The following GPC5 variants were observed in gnomAD, a reference collection of about 807,000 sequenced individuals.
GPC5 encodes glypican 5.
A neutral mutation model predicts 53.9 loss-of-function variants in GPC5; 47 were observed. The ratio of observed to expected loss-of-function variants is 0.87; its 90% CI spans 0.69 to 1.11. The LOEUF is 1.11. Ranked by LOEUF, GPC5 falls within the 50% of genes most tolerant of loss-of-function variation. The pLI is 0.00. For synonymous variants in GPC5, 286 were observed against 263.3 expected, an observed-to-expected ratio of 1.09 and a Z score of -0.84; for missense variants, 748 against 713.1, an observed-to-expected ratio of 1.05 and a Z score of -0.56.
chr13:92,352,994 C>G (rs1391750412), intron 7 of GPC5, among the ~76,000 whole-genome samples: 2 of 152,102 alleles, frequency 1.3e-5, no homozygotes, highest in Non-Finnish European at 2.9e-5. Context: ...GGCGCGGTGG[C>G]TCACGCCTGT....
intron 2 of GPC5, among the ~76,000 whole-genome samples, chr13:91,576,976 T>C (rs2032162725): frequency 6.6e-6 from 1 of 152,140 alleles, no homozygotes; most frequent in Admixed American, 6.5e-5. Context: ...ACTTCACATG[T>C]TTTCCTTCTT....
intron 6 of GPC5, among the ~76,000 whole-genome samples, chr13:91,939,793 A>T (rs2352201): frequency 0.61 from 92,867 of 151,672 alleles, 29,002 homozygotes; most frequent in East Asian, 0.74. Context: ...AAGGGGTTGA[A>T]GGAGATGGAA....
intron 7 of GPC5, among the ~76,000 whole-genome samples, chr13:92,633,183 A>G (rs1245422955): frequency 2.6e-5 from 4 of 152,092 alleles, no homozygotes; most frequent in Admixed American, 6.5e-5. Flanking sequence ...GTGAGCCACC[A>G]CGCCCAGCCA....
chr13:92,408,600 T>G lies in GPC5; in HGVS notation c.1561+263611T>G, dbSNP rs150914379. On this transcript the variant is annotated intron_variant, in intron 7 of 7. Transcript: ENST00000377067. Reference sequence around the variant, plus strand: ...GGCATCTGGTAAAGAGTGTTTTAGCTCCTGCGATCTACCTTATATATATAT... The same window carrying G: ...GGCATCTGGTAAAGAGTGTTTTAGCGCCTGCGATCTACCTTATATATATAT... Among the ~76,000 whole-genome samples the G allele has an allele frequency of 1.1e-3, 160 of 151,286 alleles. 1 individual carries two copies. Among genetic ancestry groups the G allele is most frequent in the East Asian group, 2.0e-4 (1 of 5,124 alleles).
intron 7 of GPC5, among the ~76,000 whole-genome samples, chr13:92,502,238 A>C (rs1205357977): frequency 6.6e-6 from 1 of 152,020 alleles, no homozygotes; most frequent in Admixed American, 6.6e-5. Context: ...CTGAATGTGC[A>C]GTAGGTGTAT....
chr13:92,071,310 A>G (rs1352303973), intron 6 of GPC5, among the ~76,000 whole-genome samples: 2 of 152,214 alleles, frequency 1.3e-5, no homozygotes, highest in Non-Finnish European at 1.5e-5. Context: ...AAAAAGTACA[A>G]TTCAAAAGTT....
At chr13:91,888,774 G>C (rs1451899688) in intron 5 of GPC5, among the ~76,000 whole-genome samples, 1 of 152,088 alleles carries the variant, frequency 6.6e-6, no homozygotes, top group African/African-American at 2.4e-5. Flanking sequence ...GTAGTTTCCT[G>C]TTTTGCTTTA....
intron 6 of GPC5, among the ~76,000 whole-genome samples, chr13:92,047,210 T>C (rs969820208): frequency 6.6e-6 from 1 of 152,136 alleles, no homozygotes; most frequent in African/African-American, 2.4e-5. Flanking sequence ...TACGGCAAGA[T>C]GGTTTAGATC....
chr13:91,693,124 C>A (rs1334988731), intron 2 of GPC5, 63 bp from the exon 3 acceptor site: 6 of 1,151,142 alleles, frequency 5.2e-6, no homozygotes, highest in African/African-American at 3.1e-5. Context: ...ATGTCTGGAG[C>A]AGATGGACGG....
chr13:91,553,262 C>G (rs1256361293), intron 2 of GPC5, among the ~76,000 whole-genome samples: 1 of 152,070 alleles, frequency 6.6e-6, no homozygotes, highest in East Asian at 1.9e-4. Context: ...TTAATTCAGC[C>G]ACCATTACCT....
chr13:91,900,024 G>A (rs1451861959), intron 5 of GPC5, among the ~76,000 whole-genome samples: 1 of 152,046 alleles, frequency 6.6e-6, no homozygotes, highest in Non-Finnish European at 1.5e-5. Flanking sequence ...GTATCTAGGT[G>A]TTTCATTTGC....
chr13:92,556,388 G>A (rs1307997455), intron 7 of GPC5, among the ~76,000 whole-genome samples: 1 of 151,592 alleles, frequency 6.6e-6, no homozygotes. Flanking sequence ...TTCTACTAGA[G>A]TACTAGTCTT....
intron 4 of GPC5, among the ~76,000 whole-genome samples, chr13:91,743,572 A>G (rs1393342178): frequency 6.6e-6 from 1 of 152,188 alleles, no homozygotes; most frequent in Non-Finnish European, 1.5e-5. Context: ...GAAAATGGGA[A>G]GCAGGAAGCA....
intron 6 of GPC5, among the ~76,000 whole-genome samples, chr13:92,034,975 A>G (rs2040881085): frequency 1.3e-5 from 2 of 152,196 alleles, no homozygotes; most frequent in South Asian, 4.1e-4. Flanking sequence ...TTTGACACAT[A>G]AAATAGTTGC....
chr13:91,521,378 T>C (rs1885808412), intron 2 of GPC5, among the ~76,000 whole-genome samples: 1 of 152,124 alleles, frequency 6.6e-6, no homozygotes. Context: ...GAGAGAGAAA[T>C]AGAAACACAT....
chr13:91,610,548 C>A (rs1248258921), intron 2 of GPC5, among the ~76,000 whole-genome samples: 3 of 152,170 alleles, frequency 2.0e-5, no homozygotes, highest in African/African-American at 7.2e-5. Flanking sequence ...ACCAGGAATT[C>A]ATCAGTGTGT....
intron 7 of GPC5, among the ~76,000 whole-genome samples, chr13:92,275,620 C>T (rs2042869954): frequency 6.6e-6 from 1 of 152,000 alleles, no homozygotes; most frequent in Non-Finnish European, 1.5e-5. Flanking sequence ...TTCTTTCACC[C>T]ATAATTTTGG....
rs188026470 is a variant in GPC5, at chr13:92,491,143, T to C, written c.1561+346154T>C. 2.0e-5 allele frequency among the ~76,000 whole-genome samples: 3 copies of C among 152,224 alleles called. No individual in the cohort carries two copies. The East Asian group carries it at 5.8e-4, about 29-fold the overall frequency. ...TATTTCAGAATTAAACCTATGCTAA[T>C]GGTTTACTATCAGATCCATGTTAAT... On this transcript the variant is annotated intron_variant, in intron 7 of 7. Coordinates refer to ENST00000377067, the MANE Select transcript of GPC5 (RefSeq NM_004466.6).
intron 7 of GPC5, among the ~76,000 whole-genome samples, chr13:92,181,921 G>C (rs2042149809): frequency 6.6e-6 from 1 of 152,152 alleles, no homozygotes; most frequent in South Asian, 2.1e-4. Flanking sequence ...AGATAATAAG[G>C]AGGCTCAATG....
Sources: allele counts gnomAD v4.1 joint callset (sites outside exome capture counted in the v4.1 genomes callset), GRCh38; gene constraint gnomAD v4.1.1; transcripts MANE v1.5; gene names NCBI Gene and HGNC (gene_info 2026-07-23, HGNC 2026-07-21).